Variants in HS3ST3A1 observed in about 807,000 individuals in gnomAD.
HS3ST3A1 encodes heparan sulfate-glucosamine 3-sulfotransferase 3A1, also known as heparan sulfate glucosamine 3-O-sulfotransferase 3A1.
A neutral mutation model predicts 25.7 loss-of-function variants in HS3ST3A1; 19 were observed. That is an observed-to-expected ratio of 0.74 (90% CI 0.52 to 1.08). HS3ST3A1 has a LOEUF of 1.08. HS3ST3A1 is among the 50% of genes least tolerant of loss of function. The pLI, the probability that HS3ST3A1 is intolerant of heterozygous loss-of-function variation, is 0.00. For missense variants in HS3ST3A1, 459 were observed against 594.3 expected, an observed-to-expected ratio of 0.77 and a Z score of 2.37; for synonymous variants, 226 against 278.6, an observed-to-expected ratio of 0.81 and a Z score of 1.88.
At chr17:13,599,595 A>T (rs760622601) in intron 1 of HS3ST3A1, among the ~76,000 whole-genome samples, 1 of 152,236 alleles carries the variant, frequency 6.6e-6, no homozygotes, top group Non-Finnish European at 1.5e-5. Flanking sequence ...GAAAGAAAAA[A>T]AAAGCCAATA....
chr17:13,587,188 G>A (rs1204973011), intron 1 of HS3ST3A1, among the ~76,000 whole-genome samples: 1 of 151,920 alleles, frequency 6.6e-6, no homozygotes, highest in Non-Finnish European at 1.5e-5. Context: ...GGGCACGGTG[G>A]TTCACGCCTG....
chr17:13,596,593 T>C (rs1298916907), intron 1 of HS3ST3A1, among the ~76,000 whole-genome samples: 1 of 152,022 alleles, frequency 6.6e-6, no homozygotes, highest in Non-Finnish European at 1.5e-5. Flanking sequence ...AGAACTTCTA[T>C]AGACAAGTAC....
At chr17:13,550,807 G>T (rs150653836) in intron 1 of HS3ST3A1, among the ~76,000 whole-genome samples, 6,550 of 152,178 alleles carry the variant, frequency 0.043, 171 homozygotes, top group African/African-American at 0.074. Context: ...AGTGGCTCAC[G>T]CCTGTAATCC....
chr17:13,536,573 C>T (rs1278488408), intron 1 of HS3ST3A1, among the ~76,000 whole-genome samples: 1 of 152,166 alleles, frequency 6.6e-6, no homozygotes, highest in East Asian at 1.9e-4. Context: ...GAAGATCCAA[C>T]CTCACCATTA....
At chr17:13,510,833 T>C (rs893655158) in intron 1 of HS3ST3A1, among the ~76,000 whole-genome samples, 1 of 152,130 alleles carries the variant, frequency 6.6e-6, no homozygotes, top group African/African-American at 2.4e-5. Context: ...GCCTCCCGCG[T>C]AGCTGGGATT....
chr17:13,566,337 A>T (rs981264663), intron 1 of HS3ST3A1, among the ~76,000 whole-genome samples: 1 of 152,120 alleles, frequency 6.6e-6, no homozygotes, highest in Non-Finnish European at 1.5e-5. Flanking sequence ...TTTATTGATA[A>T]ATGTGTGTGT....
In HS3ST3A1 at chr17:13,593,173, A is replaced by G. The variant is rs528311134; in HGVS notation, c.599+7358T>C. Among the ~76,000 whole-genome samples, 97 of 144,814 alleles carry G rather than the reference A, an allele frequency of 6.7e-4. 4 individuals carry two copies. In the South Asian group the frequency reaches 0.018, roughly 27 times the overall value. ...AAGGTGCATCCACAGCTCTGGCCCT[A>G]TCTATTTTCCCTATAACCAGCTTTC... On this transcript the variant is annotated intron_variant, in intron 1 of 1. Coordinates refer to ENST00000284110, the MANE Select transcript of HS3ST3A1 (RefSeq NM_006042.3).
Position 13,549,928 on chromosome 17 carries a change from T to C in HS3ST3A1, c.599+50603A>G, listed in dbSNP as rs1012184481. On this transcript the variant is annotated intron_variant, in intron 1 of 1. Coordinates refer to ENST00000284110, the MANE Select transcript of HS3ST3A1 (RefSeq NM_006042.3). The stretch of plus-strand genomic sequence containing the variant: ...ACTTTCCTTTCCTGTAGACCCACTA[T>C]CTCCAAAGTGCTGACAGGATACTGA... Among the ~76,000 whole-genome samples the C allele has an allele frequency of 1.5e-4, 23 of 152,310 alleles. No homozygotes were observed. The East Asian group carries it at 4.4e-3, about 29-fold the overall frequency.
At chr17:13,506,692 C>T (rs374628777) in intron 1 of HS3ST3A1, among the ~76,000 whole-genome samples, 34 of 152,288 alleles carry the variant, frequency 2.2e-4, no homozygotes, top group East Asian at 1.2e-3. Flanking sequence ...CTATATTCCA[C>T]AAGGCATGTG....
At chr17:13,573,860 C>T (rs1337287238) in intron 1 of HS3ST3A1, among the ~76,000 whole-genome samples, 2 of 152,148 alleles carry the variant, frequency 1.3e-5, no homozygotes, top group Non-Finnish European at 2.9e-5. Context: ...GGGAGCTTGC[C>T]TCCTTCTCTC....
At position 13,496,382 on chromosome 17, in the gene HS3ST3A1, T is replaced by C; in HGVS notation, c.1036A>G (p.Thr346Ala). Reference protein sequence around the residue: ...ITDKHFYFNKTKGFPCLKKAE... With the variant: ...ITDKHFYFNKAKGFPCLKKAE... ...TTCTTCAGGCAGGGGAAGCCCTTGG[T>C]CTTGTTGAAGTAGAAGTGCTTGTCC... is the stretch of plus-strand genomic sequence containing the variant. The change falls in exon 2 of 2, where the codon ACC (threonine) becomes GCC (alanine). Residue 346 changes from threonine to alanine, a missense_variant. Physicochemically the swap from Thr to Ala is moderately conservative, Grantham distance 58 (BLOSUM62 0). This residue lies in a region of HS3ST3A1 where 67 missense variants were observed against 231.4 expected (regional missense o/e 0.29). Coordinates refer to ENST00000284110, the MANE Select transcript of HS3ST3A1 (RefSeq NM_006042.3). The C allele has an allele frequency of 6.9e-7, 1 of 1,444,476 alleles. No homozygotes were observed. The highest frequency in any genetic ancestry group is 1.5e-5 in the African/African-American group (1 of 68,564). The allele number at this position is 1,444,476 out of a possible 1,614,324, so 89.5% of individuals were successfully genotyped here. A position where few individuals can be genotyped will look rare whatever the true frequency, so the allele number is the denominator to read the frequency against.
intron 1 of HS3ST3A1, among the ~76,000 whole-genome samples, chr17:13,552,945 G>T (rs1424423993): frequency 6.6e-6 from 1 of 152,152 alleles, no homozygotes; most frequent in Non-Finnish European, 1.5e-5. Context: ...AAGCAAGAAG[G>T]AGAATTATAA....
intron 1 of HS3ST3A1, among the ~76,000 whole-genome samples, chr17:13,558,402 A>C (rs897063827): frequency 3.9e-5 from 6 of 152,176 alleles, no homozygotes; most frequent in Admixed American, 2.0e-4. Flanking sequence ...TATGTACTTC[A>C]ATAATACATA....
chr17:13,540,601 G>A (rs115074096), intron 1 of HS3ST3A1, among the ~76,000 whole-genome samples: 5 of 152,158 alleles, frequency 3.3e-5, no homozygotes, highest in Admixed American at 6.5e-5. Context: ...CTGCATTTAC[G>A]TTGGAAGACC....
chr17:13,506,979 G>C (rs1360868074), intron 1 of HS3ST3A1, among the ~76,000 whole-genome samples: 4 of 150,282 alleles, frequency 2.7e-5, no homozygotes, highest in Non-Finnish European at 5.9e-5. Context: ...TGAGGTGGGA[G>C]AATCGCTTGA....
chr17:13,587,464 T>A (rs1168041287), intron 1 of HS3ST3A1, among the ~76,000 whole-genome samples: 1 of 152,038 alleles, frequency 6.6e-6, no homozygotes, highest in Admixed American at 6.6e-5. Context: ...AAAATAAAAA[T>A]AATAATAATC....
intron 1 of HS3ST3A1, among the ~76,000 whole-genome samples, chr17:13,505,726 A>G (rs1479331082): frequency 2.0e-5 from 3 of 152,064 alleles, no homozygotes; most frequent in African/African-American, 7.2e-5. Context: ...CCCTCTCCCC[A>G]TTAAAAAAGA....
At chr17:13,501,326 C>A (rs1234798029) in intron 1 of HS3ST3A1, among the ~76,000 whole-genome samples, 1 of 150,742 alleles carries the variant, frequency 6.6e-6, no homozygotes, top group Non-Finnish European at 1.5e-5. Flanking sequence ...CACCACTGAA[C>A]CTAACAGTGG....
In HS3ST3A1 at chr17:13,601,766, A is replaced by T. The variant is rs2142405434; in HGVS notation, c.-637T>A. ...CGAGCGGGAGACAGGAGGCCCGTGC[A>T]GAGCCGTCCACCCCTCTCCGTAGCG... is the stretch of plus-strand genomic sequence containing the variant. On this transcript the variant is annotated 5_prime_UTR_variant, in exon 1 of 2. Coordinates refer to ENST00000284110, the MANE Select transcript of HS3ST3A1 (RefSeq NM_006042.3). 1 of 153,076 alleles carries T rather than the reference A, an allele frequency of 6.5e-6. No homozygotes were observed. The highest frequency in any genetic ancestry group is 2.4e-5 in the African/African-American group (1 of 41,594). The allele number at this position is 153,076 out of a possible 1,614,324, so 9.5% of individuals were successfully genotyped here. A position where few individuals can be genotyped will look rare whatever the true frequency, so the allele number is the denominator to read the frequency against.
Sources: gnomAD v4.1 joint callset for allele counts (sites outside exome capture counted in the v4.1 genomes callset) on GRCh38, gnomAD v4.1.1 for gene constraint, gnomAD v4.1.1 regional missense constraint, MANE v1.5 for transcripts, NCBI Gene and HGNC (gene_info 2026-07-23, HGNC 2026-07-21) for gene names.